Variants in DTNA observed in about 807,000 individuals in gnomAD.
The protein encoded by DTNA is dystrobrevin alpha.
DTNA carries 43 observed loss-of-function variants against 100.7 expected under a neutral mutation model. That is an observed-to-expected ratio of 0.43 (90% confidence interval 0.33 to 0.55). DTNA has a LOEUF of 0.55. DTNA is among the 20% of genes least tolerant of loss of function. The pLI, the probability that DTNA is intolerant of heterozygous loss-of-function variation, is 0.04. For missense variants in DTNA, 798 were observed against 953.9 expected (o/e 0.84, Z 2.15); for synonymous variants, 349 against 347.9 (o/e 1.00, Z -0.04).
At chr18:34,826,170 G>A (rs2149521132) in intron 9 of DTNA, among the ~76,000 whole-genome samples, 1 of 152,250 alleles carries the variant, frequency 6.6e-6, no homozygotes, top group African/African-American at 2.4e-5. Flanking sequence ...AAATCTCAGA[G>A]TATAGTTTAG....
At chr18:34,673,978 G>T (rs2077088688) in intron 1 of DTNA, among the ~76,000 whole-genome samples, 1 of 152,190 alleles carries the variant, frequency 6.6e-6, no homozygotes, top group Non-Finnish European at 1.5e-5. Flanking sequence ...GGCCTATATG[G>T]ATACCCAGAA....
intron 15 of DTNA, among the ~76,000 whole-genome samples, chr18:34,856,807 C>T (rs1030103224): frequency 6.6e-5 from 10 of 152,216 alleles, no homozygotes; most frequent in African/African-American, 1.9e-4. Context: ...ACTCGATGCA[C>T]GTTACATATC....
At chr18:34,863,245 T>C (rs2150139480) in intron 16 of DTNA, among the ~76,000 whole-genome samples, 1 of 152,342 alleles carries the variant, frequency 6.6e-6, no homozygotes, top group Admixed American at 6.5e-5. Flanking sequence ...CCTCTTAGTG[T>C]CAACATAAAT....
rs2095688606 is a variant in DTNA, at chr18:34,820,519, A to C, written c.877-272A>C. ...CTTCCCAGTCTGCTGAGTTTTTGTC[A>C]GAAGGATTCCTGCAGGCCCATTAAG... On this transcript the variant is annotated intron_variant, in intron 8 of 22. Transcript: ENST00000444659. 2.0e-5 allele frequency among the ~76,000 whole-genome samples: 3 copies of C among 152,142 alleles called. No homozygotes were observed. In the South Asian group the frequency reaches 6.2e-4, roughly 32 times the overall value.
intron 17 of DTNA, among the ~76,000 whole-genome samples, chr18:34,873,786 G>A (rs1223529008): frequency 3.3e-5 from 5 of 152,198 alleles, no homozygotes; most frequent in African/African-American, 1.2e-4. Flanking sequence ...TAGCTCAGAA[G>A]CAGAAGGTTT....
intron 4 of DTNA, among the ~76,000 whole-genome samples, chr18:34,803,690 G>T (rs1453376442): frequency 6.6e-6 from 1 of 152,064 alleles, no homozygotes; most frequent in Non-Finnish European, 1.5e-5. Flanking sequence ...TAGGAAAAAA[G>T]CTAATTACCT....
At chr18:34,716,848 A>G (rs1219976165) in intron 1 of DTNA, among the ~76,000 whole-genome samples, 3 of 152,208 alleles carry the variant, frequency 2.0e-5, no homozygotes, top group Non-Finnish European at 2.9e-5. Context: ...GCTGATTTGC[A>G]AATAAGAAGT....
chr18:34,842,225 T>C (rs1373178432), intron 13 of DTNA, among the ~76,000 whole-genome samples: 2 of 152,194 alleles, frequency 1.3e-5, no homozygotes, highest in African/African-American at 2.4e-5. Flanking sequence ...ACTCCTGATG[T>C]CATATGACTA....
At chr18:34,522,679 G>T (rs943777248) in intron 1 of DTNA, among the ~76,000 whole-genome samples, 1 of 152,164 alleles carries the variant, frequency 6.6e-6, no homozygotes, top group African/African-American at 2.4e-5. Flanking sequence ...GAGCCAACAA[G>T]TGTGGTCAAG....
rs2096965172 is a variant in DTNA, at chr18:34,891,633, G to A, written c.*3899G>A. On this transcript the variant is annotated 3_prime_UTR_variant, in exon 23 of 23. Coordinates refer to ENST00000444659, the MANE Select transcript of DTNA (RefSeq NM_001386795.1). ...GAGCATCTAATAGAAATACTATTCT[G>A]CTATTTATGGAAATCCTTATTATAA... 1.3e-5 allele frequency: 2 copies of A among 152,066 alleles called. No homozygotes were observed. Among genetic ancestry groups the A allele is most frequent in the African/African-American group, 2.4e-5 (1 of 41,390 alleles). 9.4% of individuals were successfully genotyped at this position (152,066 alleles called of 1,614,324 possible).
chr18:34,828,314 C>T (rs1428394004), intron 10 of DTNA, among the ~76,000 whole-genome samples: 1 of 152,142 alleles, frequency 6.6e-6, no homozygotes, highest in African/African-American at 2.4e-5. Context: ...TCAAGAGGTG[C>T]TCTGAGTCAT....
intron 1 of DTNA, chr18:34,493,934 C>A (rs1048067676): frequency 2.0e-5 from 3 of 148,346 alleles, no homozygotes; most frequent in Non-Finnish European, 3.0e-5. Flanking sequence ...CGCGGCGCCT[C>A]CCCGGGCGGC....
intron 1 of DTNA, among the ~76,000 whole-genome samples, chr18:34,704,545 G>T (rs1320724728): frequency 2.0e-5 from 3 of 152,084 alleles, no homozygotes; most frequent in African/African-American, 7.2e-5. Context: ...TAAATTCTCT[G>T]TCTACTCTCA....
intron 10 of DTNA, chr18:34,829,082 T>C (rs538320317): frequency 1.9e-6 from 3 of 1,614,178 alleles, no homozygotes; most frequent in South Asian, 1.1e-5. Flanking sequence ...ATGGATAACA[T>C]GACTTCTTCT....
At chr18:34,874,274 A>G (rs980900737) in intron 17 of DTNA, among the ~76,000 whole-genome samples, 4 of 152,294 alleles carry the variant, frequency 2.6e-5, no homozygotes, top group East Asian at 3.9e-4. Flanking sequence ...ACCACAGCAA[A>G]CAGACTGGGA....
At chr18:34,886,959 T>C (rs1341742155) in intron 22 of DTNA, among the ~76,000 whole-genome samples, 1 of 152,256 alleles carries the variant, frequency 6.6e-6, no homozygotes, top group Non-Finnish European at 1.5e-5. Flanking sequence ...ACTTTCTGGC[T>C]GTACTGCAAG....
At chr18:34,812,305 A>T (rs1419773608) in intron 6 of DTNA, among the ~76,000 whole-genome samples, 192 bp downstream of exon 6, 1 of 152,126 alleles carries the variant, frequency 6.6e-6, no homozygotes, top group Non-Finnish European at 1.5e-5. Context: ...ACAATAATAG[A>T]CAGTGTTTAC....
At chr18:34,865,664 C>T (rs1003981369) in intron 17 of DTNA, among the ~76,000 whole-genome samples, 3 of 152,208 alleles carry the variant, frequency 2.0e-5, no homozygotes, top group Admixed American at 1.3e-4. Context: ...TTTCTGCTTC[C>T]CTTTCCAAAT....
chr18:34,579,710 A>T (rs954503511), intron 1 of DTNA, among the ~76,000 whole-genome samples: 1 of 152,032 alleles, frequency 6.6e-6, no homozygotes, highest in African/African-American at 2.4e-5. Context: ...TTTACCCTTT[A>T]TCCTTGTTTT....
Sources: allele counts gnomAD v4.1 joint callset (sites outside exome capture counted in the v4.1 genomes callset), GRCh38; gene constraint gnomAD v4.1.1; transcripts MANE v1.5; gene names NCBI Gene and HGNC (gene_info 2026-07-23, HGNC 2026-07-21).